Variants in AGMO observed in about 807,000 individuals in gnomAD.
AGMO encodes glyceryl-ether monooxygenase.
AGMO carries 75 observed loss-of-function variants against 60.2 expected under a neutral mutation model. The observed-to-expected ratio is 1.25, with a 90% CI of 1.03 to 1.51. AGMO has a LOEUF of 1.51. AGMO is among the 40% of genes most tolerant of loss of function. The probability of loss-of-function intolerance (pLI) is 0.00; values close to 1 mark genes in which losing one functional copy is unlikely to be tolerated. For synonymous variants in AGMO, 261 were observed against 177.1 expected (o/e 1.47, Z -3.76); for missense variants, 763 against 525.5 (o/e 1.45, Z -4.42).
intron 12 of AGMO, among the ~76,000 whole-genome samples, chr7:15,235,380 TAG>T (rs1439803657): frequency 1.3e-5 from 2 of 152,114 alleles, no homozygotes; most frequent in Non-Finnish European, 2.9e-5. Context: ...ACTGAATGAC[TAG>T]AGTGTTAATT....
At chr7:15,151,827 G>T in the AGMO span, among the ~76,000 whole-genome samples, 1 of 152,088 alleles carries the variant, frequency 6.6e-6, no homozygotes, top group African/African-American at 2.4e-5. Context: ...GGTCCATTTG[G>T]TCAGGGTTGA....
chr7:15,246,682 T>A (rs570696262), intron 12 of AGMO, among the ~76,000 whole-genome samples: 1 of 152,174 alleles, frequency 6.6e-6, no homozygotes, highest in African/African-American at 2.4e-5. Flanking sequence ...ATAATATACA[T>A]GGATGCATGT....
intron 12 of AGMO, among the ~76,000 whole-genome samples, chr7:15,344,647 G>A (rs373921354): frequency 2.0e-5 from 3 of 152,134 alleles, no homozygotes; most frequent in South Asian, 2.1e-4. Flanking sequence ...GCAGTGAGTC[G>A]TGATGGTACC....
At chr7:15,397,042 C>T (rs184427317) in intron 5 of AGMO, among the ~76,000 whole-genome samples, 112 of 152,232 alleles carry the variant, frequency 7.4e-4, no homozygotes, top group African/African-American at 2.6e-3. Context: ...AAAAGTTCTC[C>T]AAGTCACCAC....
At chr7:15,339,098 T>C (rs1021029999) in intron 12 of AGMO, among the ~76,000 whole-genome samples, 1 of 152,192 alleles carries the variant, frequency 6.6e-6, no homozygotes, top group Non-Finnish European at 1.5e-5. Flanking sequence ...ACTGCTCTTC[T>C]ATAGCTCTTT....
At chr7:15,461,246 T>C (rs1462834409) in intron 3 of AGMO, among the ~76,000 whole-genome samples, 1 of 152,024 alleles carries the variant, frequency 6.6e-6, no homozygotes, top group Non-Finnish European at 1.5e-5. Context: ...AATATTTATT[T>C]AGAATTTTAT....
At chr7:15,177,002 A>G in the AGMO span, among the ~76,000 whole-genome samples, 1 of 152,222 alleles carries the variant, frequency 6.6e-6, no homozygotes, top group Admixed American at 6.5e-5. Flanking sequence ...TAGATGTCTC[A>G]TTCTTGCCTA....
chr7:15,465,589 T>TTATA (rs142051256), intron 3 of AGMO, among the ~76,000 whole-genome samples: 30,063 of 145,200 alleles, frequency 0.21, 3,983 homozygotes, highest in East Asian at 0.6. Context: ...GTCCGGCTAA[T>TTATA]TATATATATA....
chr7:15,453,108 C>A (rs563935257), intron 3 of AGMO, among the ~76,000 whole-genome samples: 2 of 152,266 alleles, frequency 1.3e-5, no homozygotes, highest in African/African-American at 4.8e-5. Flanking sequence ...GGCACCAGAT[C>A]TCCTTGGAGG....
At chr7:15,327,320 T>G (rs764958492) in intron 12 of AGMO, among the ~76,000 whole-genome samples, 11 of 152,146 alleles carry the variant, frequency 7.2e-5, no homozygotes, top group Non-Finnish European at 1.3e-4. Flanking sequence ...GAAAAAGAAA[T>G]AAGTGTTGGA....
chr7:15,382,386 G>A (rs908550248), intron 10 of AGMO, among the ~76,000 whole-genome samples: 1 of 151,980 alleles, frequency 6.6e-6, no homozygotes, highest in African/African-American at 2.4e-5. Flanking sequence ...GTATCCTGAG[G>A]GCAAGAATTA....
At position 15,432,281 on chromosome 7, in the gene AGMO, AG is replaced by A. The variant is rs1781264737; in HGVS notation, c.410-1174del. On this transcript the variant is annotated intron_variant, in intron 3 of 12. Coordinates refer to ENST00000342526, the MANE Select transcript of AGMO (RefSeq NM_001004320.2). ...GCATGGTACATAGTAGAATAATTTT[AG>A]AAGTTTTTATGAAAATCATGGTCAT... Among the ~76,000 whole-genome samples, 3 of 149,822 alleles carry A rather than the reference AG, an allele frequency of 2.0e-5. No homozygotes were observed. In the Admixed American group the frequency reaches 2.0e-4, roughly 10 times the overall value.
At chr7:15,372,011 T>TA (rs1783238031) in intron 10 of AGMO, among the ~76,000 whole-genome samples, 2 of 152,254 alleles carry the variant, frequency 1.3e-5, no homozygotes, top group Admixed American at 1.3e-4. Flanking sequence ...AAAATGAGTT[T>TA]AAAAGAAACT....
intron 3 of AGMO, among the ~76,000 whole-genome samples, chr7:15,503,033 A>G (rs1783427197): frequency 6.6e-6 from 1 of 152,080 alleles, no homozygotes; most frequent in African/African-American, 2.4e-5. Flanking sequence ...CATTTTTGGA[A>G]CTGAGACATT....
intron 4 of AGMO, among the ~76,000 whole-genome samples, chr7:15,427,734 T>A (rs549803834): frequency 5.9e-4 from 90 of 152,176 alleles, no homozygotes; most frequent in African/African-American, 2.0e-3. Flanking sequence ...TCTTAAGACA[T>A]GATAGTAGGA....
At chr7:15,354,498 A>G (rs1244726320) in intron 12 of AGMO, among the ~76,000 whole-genome samples, 1,746 of 12,264 alleles carry the variant, frequency 0.14, 185 homozygotes, top group African/African-American at 0.17. Context: ...ACACACGTGT[A>G]TATATATATA....
intron 12 of AGMO, among the ~76,000 whole-genome samples, chr7:15,235,134 C>CT (rs1316541338): frequency 2.0e-5 from 3 of 152,060 alleles, no homozygotes; most frequent in African/African-American, 7.2e-5. Flanking sequence ...AAAGATCCTC[C>CT]TCTGAGACTC....
intron 3 of AGMO, among the ~76,000 whole-genome samples, chr7:15,525,035 A>G (rs1784088210): frequency 6.6e-6 from 1 of 152,150 alleles, no homozygotes; most frequent in Admixed American, 6.6e-5. Flanking sequence ...GGGACCCCAG[A>G]AAAACCTTAA....
downstream of AGMO, among the ~76,000 whole-genome samples, chr7:15,197,403 TC>T (rs1242825063): frequency 6.6e-6 from 1 of 152,184 alleles, no homozygotes; most frequent in Non-Finnish European, 1.5e-5. Context: ...TAATAAACTA[TC>T]ATGTAAGCTG....
Sources: gnomAD v4.1 joint callset for allele counts (sites outside exome capture counted in the v4.1 genomes callset) on GRCh38, gnomAD v4.1.1 for gene constraint, MANE v1.5 for transcripts, NCBI Gene and HGNC (gene_info 2026-07-23, HGNC 2026-07-21) for gene names.